Variants in BSDC1 observed in about 807,000 individuals in gnomAD.
The protein encoded by BSDC1 is BSD domain containing 1, also known as BSD domain-containing protein 1.
BSDC1 carries 29 observed loss-of-function variants against 56.0 expected under a neutral mutation model. The ratio of observed to expected loss-of-function variants is 0.52; its 90% CI spans 0.39 to 0.71. BSDC1 has a LOEUF of 0.71. Among genes scored for constraint, BSDC1 ranks in the 30% least tolerant of loss-of-function variants. BSDC1 has a pLI of 0.00. For missense variants in BSDC1, 477 were observed against 548.5 expected, an observed-to-expected ratio of 0.87 and a Z score of 1.30; for synonymous variants, 210 against 215.3, an observed-to-expected ratio of 0.98 and a Z score of 0.21.
At chr1:32,371,351 C>T (rs1378112003) in intron 9 of BSDC1, among the ~76,000 whole-genome samples, 2 of 148,388 alleles carry the variant, frequency 1.3e-5, no homozygotes, top group Non-Finnish European at 3.0e-5. Flanking sequence ...CTCACTCTCG[C>T]CCAGGCTGGA....
chr1:32,385,967 T>C (rs183487058), intron 3 of BSDC1, among the ~76,000 whole-genome samples: 21 of 152,222 alleles, frequency 1.4e-4, no homozygotes, highest in Admixed American at 6.5e-4. Context: ...ACTGGTTAAA[T>C]CCACATAATG....
At chr1:32,394,381 TA>T (rs1642980639) in intron 1 of BSDC1, 22 bp downstream of exon 1, 1 of 1,613,778 alleles carries the variant, frequency 6.2e-7, no homozygotes, top group South Asian at 1.1e-5. Context: ...CCCCAACGCC[TA>T]GGAGCAAAAC....
Position 32,378,051 on chromosome 1 carries a change from G to C in BSDC1, c.598-3C>G. ...AGGGCGTCCCTCCGGGCCTGCTCCT[G>C]AATGTGGGGGAGCAGAAGGCCACAG... On this transcript the variant is annotated splice_region_variant and splice_polypyrimidine_tract_variant and intron_variant, in intron 7 of 10. Transcript: ENST00000455895. The surrounding 1 kb of genome is among the most constrained non-coding windows in gnomAD (Gnocchi z 5.2). The C allele has an allele frequency of 5.0e-6, 8 of 1,607,372 alleles. No homozygotes were observed. The highest frequency in any genetic ancestry group is 6.8e-6 in the Non-Finnish European group (8 of 1,176,164).
Position 32,378,061 on chromosome 1 carries a change from G to A in BSDC1, c.598-13C>T. The A allele has an allele frequency of 6.2e-7, 1 of 1,604,764 alleles. No homozygotes were observed. The highest frequency in any genetic ancestry group is 8.5e-7 in the Non-Finnish European group (1 of 1,174,722). On this transcript the variant is annotated splice_polypyrimidine_tract_variant and intron_variant, in intron 7 of 10. Transcript: ENST00000455895. The surrounding 1 kb of genome is among the most constrained non-coding windows in gnomAD (Gnocchi z 5.2). ...TCCGGGCCTGCTCCTGAATGTGGGGGAGCAGAAGGCCACAGGCAGTCAGGG... is the reference window on the plus strand; with the variant it reads ...TCCGGGCCTGCTCCTGAATGTGGGGAAGCAGAAGGCCACAGGCAGTCAGGG...
At chr1:32,385,372 C>CA (rs1270472629) in intron 3 of BSDC1, among the ~76,000 whole-genome samples, 3 of 152,164 alleles carry the variant, frequency 2.0e-5, no homozygotes, top group African/African-American at 7.2e-5. Flanking sequence ...CAAACCTCAG[C>CA]ATATACACAA....
intron 2 of BSDC1, among the ~76,000 whole-genome samples, chr1:32,391,050 C>T (rs1642848836): frequency 6.6e-6 from 1 of 151,768 alleles, no homozygotes; most frequent in Admixed American, 6.6e-5. Context: ...TCAGACACTA[C>T]CTGTAGGGGG....
At chr1:32,385,262 A>G (rs1185121707) in intron 3 of BSDC1, among the ~76,000 whole-genome samples, 2 of 152,146 alleles carry the variant, frequency 1.3e-5, no homozygotes, top group Non-Finnish European at 2.9e-5. Context: ...AGAGGTTTCC[A>G]CTGTACATTT....
chr1:32,388,139 T>C (rs74066503), intron 2 of BSDC1, among the ~76,000 whole-genome samples: 2 of 152,234 alleles, frequency 1.3e-5, no homozygotes, highest in African/African-American at 4.8e-5. Flanking sequence ...TGCAAGCCCT[T>C]TCATCTTACA....
rs1642357783 is a variant in BSDC1 at position 32,378,060 on chromosome 1, G to A, written c.598-12C>T. On this transcript the variant is annotated splice_polypyrimidine_tract_variant and intron_variant, in intron 7 of 10. Coordinates refer to ENST00000455895, the MANE Select transcript of BSDC1 (RefSeq NM_018045.8). The surrounding 1 kb of genome is among the most constrained non-coding windows in gnomAD (Gnocchi z 5.2). ...CTCCGGGCCTGCTCCTGAATGTGGG[G>A]GAGCAGAAGGCCACAGGCAGTCAGG... 6.2e-7 allele frequency: 1 copy of A among 1,604,570 alleles called. No individual in the cohort carries two copies. The highest frequency in any genetic ancestry group is 1.1e-5 in the South Asian group (1 of 89,738).
intron 9 of BSDC1, among the ~76,000 whole-genome samples, chr1:32,373,718 C>T (rs1260376157): frequency 6.6e-6 from 1 of 152,064 alleles, no homozygotes; most frequent in African/African-American, 2.4e-5. Context: ...GATGGGGTTT[C>T]ATCACAATGC....
chr1:32,376,749 G>A lies in BSDC1; in HGVS notation c.677-8C>T, dbSNP rs556864782. The A allele has an allele frequency of 6.1e-5, 83 of 1,352,928 alleles. 1 individual carries two copies. In the East Asian group the frequency reaches 2.1e-3, roughly 34 times the overall value. The allele number at this position is 1,352,928 out of a possible 1,614,324, so 83.8% of individuals were successfully genotyped here. A position where few individuals can be genotyped will look rare whatever the true frequency, so the allele number is the denominator to read the frequency against. On this transcript the variant is annotated splice_polypyrimidine_tract_variant and splice_region_variant and intron_variant, in intron 8 of 10. Coordinates refer to ENST00000455895, the MANE Select transcript of BSDC1 (RefSeq NM_018045.8). ...AAATGCCCATGAGCTCCTCTGTAGA[G>A]AGAGAAAGGGAGGGGCAAGAGGGAA...
chr1:32,381,362 C>G (rs1017194456), intron 4 of BSDC1, 94 bp from the exon 5 acceptor site: 4 of 1,245,278 alleles, frequency 3.2e-6, no homozygotes, highest in Non-Finnish European at 4.6e-6. Context: ...AACCACAATC[C>G]AGCTTCTCCC....
intron 1 of BSDC1, 62 bp downstream of exon 1, chr1:32,394,342 C>T (rs951683562): frequency 8.1e-6 from 13 of 1,613,698 alleles, no homozygotes; most frequent in Middle Eastern, 1.6e-4. Context: ...GGACTCTCGC[C>T]CAGCACCCCA....
rs749708975 is a variant in BSDC1 at position 32,377,926 on chromosome 1, C to G, written c.676+44G>C. ...GAGCATGGCCCAGCCCAGAGCGTCC[C>G]GCACAGATGTGACACTTGCCCCTCA... On this transcript the variant is annotated intron_variant, in intron 8 of 10. Coordinates refer to ENST00000455895, the MANE Select transcript of BSDC1 (RefSeq NM_018045.8). 9.4e-5 allele frequency: 148 copies of G among 1,572,856 alleles called. 2 individuals carry two copies. In the South Asian group the frequency reaches 1.7e-3, roughly 18 times the overall value.
intron 9 of BSDC1, among the ~76,000 whole-genome samples, chr1:32,368,802 G>A (rs953760145): frequency 1.3e-5 from 2 of 152,100 alleles, no homozygotes; most frequent in Admixed American, 1.3e-4. Context: ...AGGTTCAAGC[G>A]ATTCTCCTGC....
At chr1:32,384,102 C>A (rs370731081) in intron 3 of BSDC1, 105 bp from the exon 4 acceptor site, 65 of 1,515,678 alleles carry the variant, frequency 4.3e-5, no homozygotes, top group East Asian at 3.9e-4. Context: ...GTTGGGGGAC[C>A]AGGGAAGCGC....
rs577363731 is a variant in BSDC1 at position 32,387,644 on chromosome 1, G to A, written c.73-749C>T. Reference sequence around the variant, plus strand: ...GCGTGAGCCACCCAGCCTAAGGCATGTGATTTTTTTTATCAAAGGAAAGTG... The same window carrying A: ...GCGTGAGCCACCCAGCCTAAGGCATATGATTTTTTTTATCAAAGGAAAGTG... On this transcript the variant is annotated intron_variant, in intron 2 of 10. Coordinates refer to ENST00000455895, the MANE Select transcript of BSDC1 (RefSeq NM_018045.8). 2.8e-4 allele frequency among the ~76,000 whole-genome samples: 42 copies of A among 152,290 alleles called. 1 individual carries two copies. In the South Asian group the frequency reaches 8.5e-3, roughly 31 times the overall value.
chr1:32,376,687 G>A lies in BSDC1; in HGVS notation c.731C>T (p.Ala244Val). 2.1e-6 allele frequency: 3 copies of A among 1,422,474 alleles called. No individual in the cohort carries two copies. Among genetic ancestry groups the A allele is most frequent in the Non-Finnish European group, 2.8e-6 (3 of 1,076,302 alleles). The allele number at this position is 1,422,474 out of a possible 1,614,324, so 88.1% of individuals were successfully genotyped here. The change falls in exon 9 of 11, where the codon GCC becomes GTC. Residue 244 changes from alanine (A) to valine (V), a missense_variant. Ala to Val is a moderately conservative substitution (Grantham distance 64). Transcript: ENST00000455895. Reference protein sequence around the residue: ...ISPKEAKVPVAKISTFPEGEP... With the variant: ...ISPKEAKVPVVKISTFPEGEP... ...TCCTTCAGGGAATGTAGAAATTTTGGCCACAGGAACCTTTGCCTCTTTTGG... is the reference window on the plus strand; with the variant it reads ...TCCTTCAGGGAATGTAGAAATTTTGACCACAGGAACCTTTGCCTCTTTTGG...
At chr1:32,370,600 G>T (rs989719625) in intron 9 of BSDC1, among the ~76,000 whole-genome samples, 2 of 151,646 alleles carry the variant, frequency 1.3e-5, no homozygotes, top group Non-Finnish European at 2.9e-5. Flanking sequence ...TCAGAAGATC[G>T]AGACCACCCT....
Sources: allele counts gnomAD v4.1 joint callset (sites outside exome capture counted in the v4.1 genomes callset), GRCh38; gene constraint gnomAD v4.1.1; non-coding constraint Gnocchi (gnomAD v3.1); transcripts MANE v1.5; gene names NCBI Gene and HGNC (gene_info 2026-07-23, HGNC 2026-07-21).